ZNF609: variants seen among roughly 807,000 people sequenced by gnomAD.
ZNF609 encodes zinc finger protein 609.
A neutral mutation model predicts 109.5 loss-of-function variants in ZNF609; 11 were observed. The ratio of observed to expected loss-of-function variants is 0.10; its 90% confidence interval spans 0.06 to 0.17. The LOEUF (loss-of-function observed/expected upper bound fraction) is 0.17, where lower values mean the gene tolerates loss of function less well. Ranked by LOEUF, ZNF609 falls within the 10% of genes least tolerant of loss-of-function variation. The probability of loss-of-function intolerance (pLI) is 1.00; values close to 1 mark genes in which losing one functional copy is unlikely to be tolerated. For synonymous variants in ZNF609, 646 were observed against 662.0 expected, an observed-to-expected ratio of 0.98 and a Z score of 0.37; for missense variants, 1,559 against 1,772.4, an observed-to-expected ratio of 0.88 and a Z score of 2.16.
chr15:64,588,142 G>A (rs969987409), intron 2 of ZNF609, among the ~76,000 whole-genome samples: 1 of 151,144 alleles, frequency 6.6e-6, no homozygotes, highest in South Asian at 2.1e-4. Flanking sequence ...TAAAAAGAAG[G>A]GGAAGGCCGG....
At chr15:64,568,250 T>C (rs1894809542) in intron 2 of ZNF609, among the ~76,000 whole-genome samples, 1 of 152,176 alleles carries the variant, frequency 6.6e-6, no homozygotes, top group Non-Finnish European at 1.5e-5. Context: ...TGTCATCTTT[T>C]ATCCATGTGT....
At chr15:64,608,048 G>A (rs1215136147) in intron 2 of ZNF609, among the ~76,000 whole-genome samples, 3 of 151,006 alleles carry the variant, frequency 2.0e-5, no homozygotes, top group Admixed American at 6.6e-5. Flanking sequence ...ACAGGCATGC[G>A]CCAACATGCC....
At chr15:64,677,816 C>T (rs1896828144) in intron 5 of ZNF609, among the ~76,000 whole-genome samples, 1 of 152,152 alleles carries the variant, frequency 6.6e-6, no homozygotes. Context: ...CTATTTCAGT[C>T]GTTTTCCCAG....
intron 3 of ZNF609, among the ~76,000 whole-genome samples, chr15:64,641,219 C>CTTTTTTTTTT (rs34007985): frequency 0.039 from 2,730 of 69,662 alleles, 419 homozygotes; most frequent in Middle Eastern, 0.091. Context: ...CTTGTGCTTT[C>CTTTTTTTTTT]TTTTTTTTTT....
intron 2 of ZNF609, among the ~76,000 whole-genome samples, chr15:64,586,409 G>C (rs949565732): frequency 6.6e-6 from 1 of 152,040 alleles, no homozygotes; most frequent in Non-Finnish European, 1.5e-5. Flanking sequence ...CTGCAGACTG[G>C]TACTGGTCCA....
At chr15:64,609,074 TTC>T (rs200274057) in intron 2 of ZNF609, among the ~76,000 whole-genome samples, 1 of 36,076 alleles carries the variant, frequency 2.8e-5, no homozygotes. Flanking sequence ...TTTTCTTTCT[TTC>T]TTTCTTTCTT....
chr15:64,576,615 A>G (rs901448906), intron 2 of ZNF609, among the ~76,000 whole-genome samples: 10 of 151,962 alleles, frequency 6.6e-5, no homozygotes, highest in African/African-American at 2.4e-4. Context: ...ATGAAATTCA[A>G]TAAACAAGAA....
At chr15:64,489,753 C>A (rs573291865) in intron 1 of ZNF609, among the ~76,000 whole-genome samples, 1 of 151,912 alleles carries the variant, frequency 6.6e-6, no homozygotes, top group Non-Finnish European at 1.5e-5. Context: ...GTCTTGAACT[C>A]CTGACCTCAG....
chr15:64,663,272 T>C (rs1896604649), intron 3 of ZNF609, among the ~76,000 whole-genome samples: 1 of 152,026 alleles, frequency 6.6e-6, no homozygotes, highest in Non-Finnish European at 1.5e-5. Context: ...GCCAAAAAGA[T>C]TTGCTGATGG....
chr15:64,483,095 C>CTT (rs955406210), intron 1 of ZNF609, among the ~76,000 whole-genome samples: 2 of 146,396 alleles, frequency 1.4e-5, no homozygotes, highest in Admixed American at 6.9e-5. Context: ...TTTTTTCTTT[C>CTT]TTTTTTTTTT....
At chr15:64,474,271 T>C (rs1380225186) in intron 1 of ZNF609, among the ~76,000 whole-genome samples, 1 of 150,032 alleles carries the variant, frequency 6.7e-6, no homozygotes, top group Admixed American at 6.7e-5. Flanking sequence ...TGGAGTGCAA[T>C]GGCACAATCT....
intron 2 of ZNF609, among the ~76,000 whole-genome samples, chr15:64,589,087 A>C (rs879598402): frequency 1.8e-4 from 27 of 152,324 alleles, no homozygotes; most frequent in Middle Eastern, 3.4e-3. Flanking sequence ...AGCTAGTTCC[A>C]TTTTAGCTCT....
intron 2 of ZNF609, among the ~76,000 whole-genome samples, chr15:64,576,982 G>GTATATATACACATATATA (rs1257610288): frequency 4.1e-5 from 5 of 122,464 alleles, no homozygotes; most frequent in Admixed American, 8.5e-5. Flanking sequence ...ATATATATAT[G>GTATATATACACATATATA]TATGTATACA....
intron 2 of ZNF609, among the ~76,000 whole-genome samples, chr15:64,568,695 C>T (rs1894815521): frequency 1.3e-5 from 2 of 152,106 alleles, no homozygotes; most frequent in South Asian, 2.1e-4. Context: ...AAGTGGTATG[C>T]CTAGGTATTT....
At chr15:64,612,042 G>C (rs1458849966) in intron 2 of ZNF609, among the ~76,000 whole-genome samples, 1 of 150,006 alleles carries the variant, frequency 6.7e-6, no homozygotes, top group Non-Finnish European at 1.5e-5. Context: ...GCCTGTACTT[G>C]CATTTTCTAG....
intron 2 of ZNF609, among the ~76,000 whole-genome samples, chr15:64,557,557 A>G (rs904440656): frequency 6.6e-6 from 1 of 152,152 alleles, no homozygotes; most frequent in Non-Finnish European, 1.5e-5. Context: ...GATGGAGCTC[A>G]TTTTATGAAG....
intron 2 of ZNF609, among the ~76,000 whole-genome samples, chr15:64,585,217 C>T (rs1227684026): frequency 6.6e-6 from 1 of 152,008 alleles, no homozygotes; most frequent in South Asian, 2.1e-4. Context: ...TCCAGCTACT[C>T]GGGAGGCTGA....
rs1335537470 is a variant in ZNF609, at chr15:64,682,584, G to C, written c.*898G>C. On this transcript the variant is annotated 3_prime_UTR_variant, in exon 10 of 10. Transcript: ENST00000326648. ...CCTTTCCCAGGGGGATCCCCACACT[G>C]GTCTTGCCTCTTCTTTTCCACTGCT... is the stretch of plus-strand genomic sequence containing the variant. 6.5e-6 allele frequency: 1 copy of C among 152,850 alleles called. No individual in the cohort carries two copies. Among genetic ancestry groups the C allele is most frequent in the African/African-American group, 2.4e-5 (1 of 41,468 alleles). 9.5% of individuals were successfully genotyped at this position (152,850 alleles called of 1,614,324 possible).
At chr15:64,479,284 ATTTTTTTTTTTT>A (rs34496032) in intron 1 of ZNF609, among the ~76,000 whole-genome samples, 4 of 86,544 alleles carry the variant, frequency 4.6e-5, no homozygotes, top group African/African-American at 2.1e-4. Context: ...TACCTGTGTG[ATTTTTTTTTTTT>A]TTTTTTTTTT....
Sources: gnomAD v4.1 joint callset for allele counts (sites outside exome capture counted in the v4.1 genomes callset) on GRCh38, gnomAD v4.1.1 for gene constraint, MANE v1.5 for transcripts, NCBI Gene and HGNC (gene_info 2026-07-23, HGNC 2026-07-21) for gene names.